Variants in B9D1 observed in about 807,000 individuals in gnomAD.
The protein encoded by B9D1 is B9 domain containing 1, also known as B9 domain-containing protein 1.
A neutral mutation model predicts 26.1 loss-of-function variants in B9D1; 20 were observed. The observed-to-expected ratio is 0.77, with a 90% CI of 0.54 to 1.12. The LOEUF is 1.12. Ranked by LOEUF, B9D1 falls within the 50% of genes most tolerant of loss-of-function variation. The pLI, the probability that B9D1 is intolerant of heterozygous loss-of-function variation, is 0.00. For synonymous variants in B9D1, 105 were observed against 103.1 expected (o/e 1.02, Z -0.11); for missense variants, 260 against 273.7 (o/e 0.95, Z 0.35).
At chr17:19,336,923 C>T (rs1217184138), downstream of B9D1, among the ~76,000 whole-genome samples, 1 of 152,192 alleles carries the variant, frequency 6.6e-6, no homozygotes, top group African/African-American at 2.4e-5. Flanking sequence ...TTGTGAGGTG[C>T]TGAGACTGGT....
At chr17:19,341,363 G>A, downstream of B9D1, 1 of 1,216,248 alleles carries the variant, frequency 8.2e-7, no homozygotes, top group Non-Finnish European at 1.0e-6. Flanking sequence ...GAGCAGCTGA[G>A]GGTGCTGGGC....
chr17:19,335,604 T>G, downstream of B9D1: 8 of 701,202 alleles, frequency 1.1e-5, no homozygotes, highest in South Asian at 2.7e-5. Context: ...CAACAGTCCC[T>G]AGGCTAAGAC....
At chr17:19,351,828 C>T (rs1471188003) in intron 3 of B9D1, among the ~76,000 whole-genome samples, 1 of 152,126 alleles carries the variant, frequency 6.6e-6, no homozygotes, top group Non-Finnish European at 1.5e-5. Flanking sequence ...TATCTTTTTA[C>T]TGTCTGCAAG....
At chr17:19,346,980 T>C in intron 5 of B9D1, 1 of 1,528,522 alleles carries the variant, frequency 6.5e-7, no homozygotes, top group South Asian at 1.2e-5. Flanking sequence ...TAATGTCACA[T>C]TATGTCATGA....
intron 3 of B9D1, among the ~76,000 whole-genome samples, chr17:19,353,237 A>G (rs1909888729): frequency 6.6e-6 from 1 of 151,456 alleles, no homozygotes; most frequent in East Asian, 2.0e-4. Flanking sequence ...GCCTCCCAAA[A>G]TGCTGGGATT....
upstream of B9D1, among the ~76,000 whole-genome samples, chr17:19,365,029 C>T (rs967656492): frequency 1.3e-5 from 2 of 152,276 alleles, no homozygotes; most frequent in Non-Finnish European, 2.9e-5. This position sits in a 1 kb window ranked among gnomAD's most constrained non-coding sequence, Gnocchi z 5.0. Flanking sequence ...CTCAACCATC[C>T]CAGGCTTCTG....
upstream of B9D1, among the ~76,000 whole-genome samples, chr17:19,366,453 T>C (rs1243581229): frequency 1.3e-5 from 2 of 152,024 alleles, no homozygotes; most frequent in African/African-American, 4.8e-5. Flanking sequence ...AATAATCCCA[T>C]GTGCCCTCTC....
intron 1 of B9D1, among the ~76,000 whole-genome samples, chr17:19,361,585 G>A (rs1911074218): frequency 6.6e-6 from 1 of 152,096 alleles, no homozygotes; most frequent in Admixed American, 6.5e-5. Context: ...AGGAGAGTGG[G>A]GAAAGACGGT....
intron 3 of B9D1, among the ~76,000 whole-genome samples, chr17:19,354,876 G>A (rs1910122861): frequency 6.6e-6 from 1 of 152,208 alleles, no homozygotes; most frequent in Non-Finnish European, 1.5e-5. Context: ...GTTTTCAACT[G>A]TTTGATTATC....
chr17:19,337,369 G>A (rs752921404), downstream of B9D1, among the ~76,000 whole-genome samples: 1 of 152,234 alleles, frequency 6.6e-6, no homozygotes, highest in African/African-American at 2.4e-5. Context: ...GAAGAGGCAA[G>A]GCCGAGGCAG....
At chr17:19,358,300 G>A (rs1386208145) in intron 2 of B9D1, among the ~76,000 whole-genome samples, 6 of 151,996 alleles carry the variant, frequency 3.9e-5, no homozygotes, top group Admixed American at 2.0e-4. Flanking sequence ...TATCCCCATC[G>A]GTAAATACGT....
rs1365378257 is a variant in B9D1, at chr17:19,362,710, C to T, written c.-141G>A. ...CACCTTCGCGAAGGCCACGCGAGTG[C>T]GCGTGTGGCATGCGCAGGCGCAGTG... On this transcript the variant is annotated 5_prime_UTR_variant, in exon 1 of 7. Coordinates refer to ENST00000261499, the MANE Select transcript of B9D1 (RefSeq NM_015681.6). 14 of 1,495,016 alleles carry T rather than the reference C, an allele frequency of 9.4e-6. No individual in the cohort carries two copies. In the Admixed American group the frequency reaches 1.6e-4, roughly 17 times the overall value. The allele number at this position is 1,495,016 out of a possible 1,614,324, so 92.6% of individuals were successfully genotyped here. A position where few individuals can be genotyped will look rare whatever the true frequency, so the allele number is the denominator to read the frequency against.
intron 1 of B9D1, among the ~76,000 whole-genome samples, chr17:19,373,408 T>C (rs79213475): frequency 6.6e-6 from 1 of 151,918 alleles, no homozygotes; most frequent in Non-Finnish European, 1.5e-5. Context: ...TTTTTTTTTT[T>C]TGAGACAGAG....
chr17:19,344,473 C>T (rs958241279), intron 5 of B9D1: 3 of 270,170 alleles, frequency 1.1e-5, no homozygotes, highest in Middle Eastern at 4.5e-4. Flanking sequence ...TTGGGCCAGG[C>T]GGGAGGCCAG....
Position 19,347,037 on chromosome 17 carries a change from C to CA in B9D1, c.404+231dup, listed in dbSNP as rs558349519. ...AGTTTTTCCTCTGCTCCCTCAGACA[C>CA]AAAGATTTTTCACAGGGCACAGGGT... On this transcript the variant is annotated intron_variant, in intron 5 of 6. Transcript: ENST00000261499. The surrounding 1 kb of genome is among the most constrained non-coding windows in gnomAD (Gnocchi z 4.3). 3.0e-5 allele frequency: 47 copies of CA among 1,547,690 alleles called. No individual in the cohort carries two copies. The East Asian group carries it at 1.1e-3, about 35-fold the overall frequency.
chr17:19,337,566 G>A (rs143752817), downstream of B9D1: 12 of 679,506 alleles, frequency 1.8e-5, no homozygotes, highest in East Asian at 1.1e-4. Context: ...GGGGGTGCCC[G>A]TTCAGTGCAG....
Position 19,377,820 on chromosome 17 carries a change from G to A in B9D1, c.-298+39C>T, listed in dbSNP as rs539491187. ...TTAACTCCGCTGCAGCCCAAAGCAC[G>A]GGAATCGCGGGACAGACAAACGAGC... On this transcript the variant is annotated intron_variant, in intron 1 of 5. Transcript: ENST00000477478. The A allele has an allele frequency of 2.6e-4, 258 of 984,772 alleles. 2 individuals carry two copies. In the African/African-American group the frequency reaches 4.3e-3, roughly 16 times the overall value. 61.0% of individuals were successfully genotyped at this position (984,772 alleles called of 1,614,324 possible). A position where few individuals can be genotyped will look rare whatever the true frequency, so the allele number is the denominator to read the frequency against.
chr17:19,359,079 C>T lies in B9D1; in HGVS notation c.133-1128G>A, dbSNP rs4924988. On this transcript the variant is annotated intron_variant, in intron 2 of 6. Transcript: ENST00000261499. The surrounding 1 kb of genome is among the most constrained non-coding windows in gnomAD (Gnocchi z 5.0). ...ACTTGCAGTCCAGCCCCTCCCACCA[C>T]CCCACTGCCACTGCCCTCCTCTCCC... 0.96 allele frequency among the ~76,000 whole-genome samples: 146,193 copies of T among 152,276 alleles called. 70,577 individuals carry two copies. The highest frequency in any genetic ancestry group is 0.99 in the African/African-American group (41,115 of 41,558).
chr17:19,342,328 C>G (rs151127344), downstream of B9D1, among the ~76,000 whole-genome samples: 1 of 152,256 alleles, frequency 6.6e-6, no homozygotes, highest in African/African-American at 2.4e-5. Flanking sequence ...AGATAAAAGG[C>G]AGAAGAGGGT....
Sources: gnomAD v4.1 joint callset for allele counts (sites outside exome capture counted in the v4.1 genomes callset) on GRCh38, gnomAD v4.1.1 for gene constraint, Gnocchi (gnomAD v3.1) non-coding constraint, MANE v1.5 for transcripts, NCBI Gene and HGNC (gene_info 2026-07-23, HGNC 2026-07-21) for gene names.